Variants in TDRD12 observed in about 807,000 individuals in gnomAD.
TDRD12 encodes the protein tudor domain containing 12, also known as putative ATP-dependent RNA helicase TDRD12.
A neutral mutation model predicts 133.5 loss-of-function variants in TDRD12; 158 were observed. The ratio of observed to expected loss-of-function variants is 1.18; its 90% confidence interval spans 1.04 to 1.35. The LOEUF is 1.35. Ranked by LOEUF, TDRD12 falls within the 40% of genes most tolerant of loss-of-function variation. TDRD12 has a pLI of 0.00. For synonymous variants in TDRD12, 460 were observed against 477.9 expected (o/e 0.96, Z 0.49); for missense variants, 1,443 against 1,321.3 (o/e 1.09, Z -1.43).
chr19:32,827,372 C>CTTTTAT, exon 10 of TDRD12: 1 of 120,310 alleles, frequency 8.3e-6, no homozygotes, highest in Non-Finnish European at 1.3e-5. Context: ...CTTTTCTTTT[C>CTTTTAT]TTTTTTTTTT....
At chr19:32,817,559 G>A (rs78151024) in intron 26 of TDRD12, among the ~76,000 whole-genome samples, 232 of 152,092 alleles carry the variant, frequency 1.5e-3, no homozygotes, top group Non-Finnish European at 2.2e-3. Context: ...GTGTGCTCCT[G>A]TGTATACAGG....
chr19:32,772,278 C>T (rs998720995), intron 8 of TDRD12, among the ~76,000 whole-genome samples: 1 of 152,142 alleles, frequency 6.6e-6, no homozygotes, highest in Admixed American at 6.5e-5. Context: ...CAAATGTGAG[C>T]GTCCAAGACC....
intron 9 of TDRD12, 50 bp from the exon 33 acceptor site, chr19:32,827,114 G>T: frequency 9.6e-7 from 1 of 1,044,534 alleles, no homozygotes; most frequent in South Asian, 4.9e-5. Context: ...GGGAAATAAA[G>T]ATTTGCTGAT....
At chr19:32,798,559 C>T in intron 16 of TDRD12, 124 bp downstream of exon 16, 2 of 606,438 alleles carry the variant, frequency 3.3e-6, no homozygotes, top group Non-Finnish European at 5.1e-6. Flanking sequence ...AAATTTTATG[C>T]TTTAACTTCT....
chr19:32,799,387 C>T (rs908912524), intron 16 of TDRD12, among the ~76,000 whole-genome samples: 2 of 152,210 alleles, frequency 1.3e-5, no homozygotes, highest in African/African-American at 4.8e-5. Context: ...CCTGCCAGAG[C>T]AGGCTTGCCC....
chr19:32,744,821 T>C (rs1419924843), intron 4 of TDRD12, among the ~76,000 whole-genome samples: 1 of 152,154 alleles, frequency 6.6e-6, no homozygotes, highest in Non-Finnish European at 1.5e-5. Context: ...GATGGCATTA[T>C]GGAAGGAAAA....
At chr19:32,721,811 C>T (rs1161992985) in intron 1 of TDRD12, among the ~76,000 whole-genome samples, 1 of 150,314 alleles carries the variant, frequency 6.7e-6, no homozygotes, top group Non-Finnish European at 1.5e-5. Context: ...GGGTTCACGC[C>T]ATTCTCCTGC....
intron 26 of TDRD12, among the ~76,000 whole-genome samples, chr19:32,816,765 C>A (rs1391412683): frequency 6.6e-6 from 1 of 152,174 alleles, no homozygotes; most frequent in East Asian, 1.9e-4. Flanking sequence ...AGGAGGGATC[C>A]TGGCAGCTCC....
chr19:32,773,473 G>T, exon 10 of TDRD12: 1 of 1,551,790 alleles, frequency 6.4e-7, no homozygotes, highest in Non-Finnish European at 8.7e-7. Context: ...AATCCTCAGT[G>T]TACTGGCCAG....
chr19:32,738,556 C>T (rs1395697895), intron 2 of TDRD12, among the ~76,000 whole-genome samples: 1 of 152,232 alleles, frequency 6.6e-6, no homozygotes, highest in Non-Finnish European at 1.5e-5. Context: ...TGGCTCACGC[C>T]TGTAATCCCA....
chr19:32,730,411 G>T (rs936445352), intron 1 of TDRD12, among the ~76,000 whole-genome samples: 2 of 152,090 alleles, frequency 1.3e-5, no homozygotes, highest in African/African-American at 4.8e-5. Flanking sequence ...TTCAAGGGTT[G>T]AATCTCCTTC....
chr19:32,739,958 A>C (rs1228664979), intron 3 of TDRD12, among the ~76,000 whole-genome samples: 3 of 91,644 alleles, frequency 3.3e-5, no homozygotes, highest in African/African-American at 4.5e-5. Context: ...TCTCCTAGGT[A>C]CTCTATGCAT....
chr19:32,746,603 T>C (rs1969641599), intron 4 of TDRD12, among the ~76,000 whole-genome samples: 1 of 127,532 alleles, frequency 7.8e-6, no homozygotes, highest in African/African-American at 3.0e-5. Flanking sequence ...GCTGATGTGG[T>C]TATTCTGTGT....
intron 11 of TDRD12, among the ~76,000 whole-genome samples, chr19:32,780,090 T>TC (rs1446075776): frequency 6.7e-6 from 1 of 149,346 alleles, no homozygotes; most frequent in Non-Finnish European, 1.5e-5. Flanking sequence ...TTTTCTTTTT[T>TC]TTTTTTTTTT....
intron 13 of TDRD12, among the ~76,000 whole-genome samples, chr19:32,792,913 T>C (rs994808392): frequency 2.0e-5 from 3 of 152,160 alleles, no homozygotes; most frequent in African/African-American, 7.2e-5. Context: ...TGAGGTCAGG[T>C]GCGGTGGCTC....
intron 8 of TDRD12, among the ~76,000 whole-genome samples, chr19:32,757,646 G>A (rs1970034950): frequency 6.6e-6 from 1 of 152,108 alleles, no homozygotes; most frequent in Non-Finnish European, 1.5e-5. Flanking sequence ...TGTCCAGGAA[G>A]GCCTCACTTC....
At chr19:32,761,134 T>C (rs1970138079) in intron 8 of TDRD12, among the ~76,000 whole-genome samples, 1 of 152,350 alleles carries the variant, frequency 6.6e-6, no homozygotes, top group South Asian at 2.1e-4. Flanking sequence ...GTTTAGTTTT[T>C]GAGACGGAGT....
At chr19:32,744,946 C>T (rs549899053) in intron 4 of TDRD12, among the ~76,000 whole-genome samples, 1 of 152,320 alleles carries the variant, frequency 6.6e-6, no homozygotes, top group African/African-American at 2.4e-5. Context: ...CTCCACTCAC[C>T]CCAGCCCCCA....
intron 1 of TDRD12, among the ~76,000 whole-genome samples, chr19:32,721,181 C>A (rs1427618996): frequency 6.6e-6 from 1 of 152,080 alleles, no homozygotes; most frequent in Non-Finnish European, 1.5e-5. Context: ...CCCGCCTGGA[C>A]CCTTGCTTTT....
Sources: allele counts gnomAD v4.1 joint callset (sites outside exome capture counted in the v4.1 genomes callset), GRCh38; gene constraint gnomAD v4.1.1; transcripts MANE v1.5; gene names NCBI Gene and HGNC (gene_info 2026-07-23, HGNC 2026-07-21).